The following TBC1D32 variants were observed in gnomAD, a reference collection of about 807,000 sequenced individuals.
TBC1D32 encodes the protein protein broad-minded.
TBC1D32 carries 151 observed loss-of-function variants against 170.3 expected under a neutral mutation model. The ratio of observed to expected loss-of-function variants is 0.89; its 90% confidence interval spans 0.78 to 1.01. The LOEUF (loss-of-function observed/expected upper bound fraction) is 1.01, where lower values mean the gene tolerates loss of function less well. Ranked by LOEUF, TBC1D32 falls within the 50% of genes least tolerant of loss-of-function variation. The pLI is 0.00. For synonymous variants in TBC1D32, 498 were observed against 488.0 expected, an observed-to-expected ratio of 1.02 and a Z score of -0.27; for missense variants, 1,464 against 1,457.1, an observed-to-expected ratio of 1.00 and a Z score of -0.08.
chr6:121,100,594 G>C (rs1359077146), intron 30 of TBC1D32, among the ~76,000 whole-genome samples: 6 of 152,062 alleles, frequency 3.9e-5, no homozygotes. Context: ...GCAGTGTGTA[G>C]AGGGAAATTT....
rs1783077564 is a variant in TBC1D32, at chr6:121,143,644, G to A, written c.2774-11892C>T. On this transcript the variant is annotated intron_variant, in intron 24 of 31. Coordinates refer to ENST00000398212, the MANE Select transcript of TBC1D32 (RefSeq NM_152730.6). The stretch of plus-strand genomic sequence containing the variant: ...TTACAAAATCTGTGAATCATTACAT[G>A]TGAATCACAAAACAAGAATGGAAAG... Among the ~76,000 whole-genome samples the A allele has an allele frequency of 1.3e-5, 2 of 152,256 alleles. 1 individual carries two copies. Among genetic ancestry groups the A allele is most frequent in the Middle Eastern group, 6.8e-3 (2 of 294 alleles).
chr6:121,220,728 C>T (rs921447756), intron 21 of TBC1D32, among the ~76,000 whole-genome samples: 2 of 148,764 alleles, frequency 1.3e-5, no homozygotes, highest in African/African-American at 5.0e-5. Context: ...GCGACCTCTA[C>T]CTCCCAGGTT....
intron 17 of TBC1D32, 39 bp from the exon 18 acceptor site, chr6:121,242,378 T>C: frequency 1.3e-6 from 2 of 1,594,274 alleles, no homozygotes; most frequent in Non-Finnish European, 1.7e-6. Context: ...TTCTTTAAGA[T>C]ACTAAAAACT....
chr6:121,194,562 C>A (rs958562816), intron 22 of TBC1D32, among the ~76,000 whole-genome samples: 1 of 152,200 alleles, frequency 6.6e-6, no homozygotes, highest in African/African-American at 2.4e-5. Flanking sequence ...ACTCCAACTG[C>A]AGCTGCTGTA....
chr6:121,296,453 A>G (rs1462613195), intron 10 of TBC1D32, among the ~76,000 whole-genome samples: 1 of 152,054 alleles, frequency 6.6e-6, no homozygotes, highest in Non-Finnish European at 1.5e-5. Flanking sequence ...ATATGATTAA[A>G]CCTACCAAAT....
chr6:121,250,202 T>C (rs972726339), intron 17 of TBC1D32, among the ~76,000 whole-genome samples: 2 of 151,968 alleles, frequency 1.3e-5, no homozygotes, highest in Non-Finnish European at 2.9e-5. Context: ...TTCCAAACAA[T>C]AGAAATAGAG....
chr6:121,140,955 T>G (rs1325934001), intron 24 of TBC1D32, among the ~76,000 whole-genome samples: 2 of 152,166 alleles, frequency 1.3e-5, no homozygotes, highest in Non-Finnish European at 2.9e-5. Flanking sequence ...AACAAAAGTT[T>G]TAATGTCCAG....
chr6:121,210,225 G>A (rs1792869846), intron 21 of TBC1D32, among the ~76,000 whole-genome samples: 1 of 152,034 alleles, frequency 6.6e-6, no homozygotes, highest in Non-Finnish European at 1.5e-5. Flanking sequence ...TAGAAAAACA[G>A]GCAAAAATGA....
chr6:121,229,293 C>T (rs1795450106), intron 20 of TBC1D32, among the ~76,000 whole-genome samples: 1 of 152,072 alleles, frequency 6.6e-6, no homozygotes, highest in Non-Finnish European at 1.5e-5. Context: ...TTTGTCTTTC[C>T]CATTTTCAAG....
chr6:121,082,396 C>T (rs1775728753), intron 31 of TBC1D32, among the ~76,000 whole-genome samples: 1 of 151,990 alleles, frequency 6.6e-6, no homozygotes. Context: ...TTGTTATAGT[C>T]GTGGAACAAT....
chr6:121,293,812 G>A (rs768348777), intron 11 of TBC1D32, among the ~76,000 whole-genome samples: 1 of 152,126 alleles, frequency 6.6e-6, no homozygotes, highest in Non-Finnish European at 1.5e-5. Context: ...TTGGGAGGCT[G>A]AGGCAGGAGA....
intron 9 of TBC1D32, among the ~76,000 whole-genome samples, chr6:121,302,479 C>T (rs553701084): frequency 6.6e-6 from 1 of 151,588 alleles, no homozygotes; most frequent in South Asian, 2.1e-4. Context: ...CAACTCCCAG[C>T]AATAAGAATG....
chr6:121,211,755 G>A (rs1313970449), intron 21 of TBC1D32, among the ~76,000 whole-genome samples: 6 of 151,978 alleles, frequency 3.9e-5, no homozygotes, highest in African/African-American at 9.7e-5. Flanking sequence ...TGGAAGACCC[G>A]CTGGAAAGAC....
intron 15 of TBC1D32, among the ~76,000 whole-genome samples, chr6:121,268,796 A>G (rs1800914874): frequency 6.6e-6 from 1 of 152,178 alleles, no homozygotes; most frequent in Non-Finnish European, 1.5e-5. Flanking sequence ...AGCAACTGCA[A>G]GACACATAAT....
chr6:121,136,841 G>T (rs1260109728), intron 24 of TBC1D32, among the ~76,000 whole-genome samples: 1 of 152,222 alleles, frequency 6.6e-6, no homozygotes, highest in East Asian at 1.9e-4. Context: ...GTATGTGTAT[G>T]TAAACAAGTA....
At chr6:121,301,683 T>G (rs1342835021) in intron 9 of TBC1D32, among the ~76,000 whole-genome samples, 2 of 152,152 alleles carry the variant, frequency 1.3e-5, no homozygotes, top group Non-Finnish European at 2.9e-5. Flanking sequence ...ACTTAAAGTA[T>G]AGTAAAAAAA....
intron 25 of TBC1D32, among the ~76,000 whole-genome samples, chr6:121,129,116 A>C (rs1417996022): frequency 6.6e-6 from 1 of 152,202 alleles, no homozygotes; most frequent in African/African-American, 2.4e-5. Flanking sequence ...ATAATTTTCT[A>C]ATGATTATAA....
Position 121,191,323 on chromosome 6 carries a change from TTC to T in TBC1D32, c.2570+13750_2570+13751del, listed in dbSNP as rs1371312094. On this transcript the variant is annotated intron_variant, in intron 22 of 31. Transcript: ENST00000398212. ...GCAGAAATGTAAATCGCAATTCCTT[TTC>T]TGTCTGCTATCAAAATCAAGAGAAG... Among the ~76,000 whole-genome samples, 5 of 152,298 alleles carry T rather than the reference TTC, an allele frequency of 3.3e-5. No individual in the cohort carries two copies. The East Asian group carries it at 9.7e-4, about 29-fold the overall frequency.
At chr6:121,321,553 G>A in intron 2 of TBC1D32, 80 bp downstream of exon 2, 8 of 1,342,160 alleles carry the variant, frequency 6.0e-6, no homozygotes, top group Non-Finnish European at 7.2e-6. Context: ...GAAATAGACT[G>A]TGAGGGACAG....
Sources: allele counts gnomAD v4.1 joint callset (sites outside exome capture counted in the v4.1 genomes callset), GRCh38; gene constraint gnomAD v4.1.1; transcripts MANE v1.5; gene names NCBI Gene and HGNC (gene_info 2026-07-23, HGNC 2026-07-21).